Variants in CPOX observed in about 807,000 individuals in gnomAD.
CPOX encodes coproporphyrinogen oxidase.
CPOX carries 24 observed loss-of-function variants against 48.9 expected under a neutral mutation model. That is an observed-to-expected ratio of 0.49 (90% CI 0.36 to 0.69). CPOX has a LOEUF of 0.69. Among genes scored for constraint, CPOX ranks in the 30% least tolerant of loss-of-function variants. The pLI is 0.00. For missense variants in CPOX, 549 were observed against 597.3 expected (o/e 0.92, Z 0.84); for synonymous variants, 249 against 234.6 (o/e 1.06, Z -0.56).
chr3:98,584,340 G>T (rs1396385436), intron 5 of CPOX, among the ~76,000 whole-genome samples: 2 of 151,832 alleles, frequency 1.3e-5, no homozygotes, highest in Non-Finnish European at 2.9e-5. Flanking sequence ...AGTGAAAGGA[G>T]GAAAGAGTGG....
rs554095471 is a variant in CPOX, at chr3:98,586,123, C to G, written c.954-464G>C. Among the ~76,000 whole-genome samples, 3 of 152,074 alleles carry G rather than the reference C, an allele frequency of 2.0e-5. No homozygotes were observed. In the East Asian group the frequency reaches 5.8e-4, roughly 29 times the overall value. Reference sequence around the variant, plus strand: ...TCCTGACCTCGTGATCTGCCTGCCTCGGCCTCCCAAAGTGCTGGGATTACA... The same window carrying G: ...TCCTGACCTCGTGATCTGCCTGCCTGGGCCTCCCAAAGTGCTGGGATTACA... On this transcript the variant is annotated intron_variant, in intron 4 of 6. Coordinates refer to ENST00000647941, the MANE Select transcript of CPOX (RefSeq NM_000097.7).
Position 98,592,985 on chromosome 3 carries a change from C to T in CPOX, c.520G>A (p.Ala174Thr), listed in dbSNP as rs199514514. 175 of 1,613,302 alleles carry T rather than the reference C, an allele frequency of 1.1e-4. No homozygotes were observed. The highest frequency in any genetic ancestry group is 1.4e-4 in the Non-Finnish European group (163 of 1,179,784). The change falls in exon 1 of 7, where the codon GCC becomes ACC. Residue 174 changes from alanine to threonine, a missense_variant. Ala to Thr is a moderately conservative substitution (Grantham distance 58, BLOSUM62 0). Transcript: ENST00000647941. ...CQALAQVDGG[A>T]NFSVDRWERK... Reference sequence around the variant, plus strand: ...TCCCACCGGTCCACAGAAAAGTTGGCGCCCCCGTCTACCTGTGCCAGAGCC... The same window carrying T: ...TCCCACCGGTCCACAGAAAAGTTGGTGCCCCCGTCTACCTGTGCCAGAGCC...
In CPOX at chr3:98,590,697, G is replaced by C; in HGVS notation, c.746C>G (p.Pro249Arg). 6.2e-7 allele frequency: 1 copy of C among 1,614,040 alleles called. No individual in the cohort carries two copies. Among genetic ancestry groups the C allele is most frequent in the Non-Finnish European group, 8.5e-7 (1 of 1,179,974 alleles). The change falls in exon 3 of 7, where the codon CCC becomes CGC. Residue 249 changes from proline (P) to arginine (R), a missense_variant. Physicochemically the swap from Pro to Arg is moderately radical, Grantham distance 103. Coordinates refer to ENST00000647941, the MANE Select transcript of CPOX (RefSeq NM_000097.7). ...CAMGVSSVIH[P>R]KNPHAPTIHF... ...GATAGTAGGAGCATGAGGATTCTTG[G>C]GGTGGATAACAGAGCTCACGCCCAT...
chr3:98,581,628 T>A (rs775061024), intron 5 of CPOX, 117 bp from the exon 6 acceptor site: 12 of 779,178 alleles, frequency 1.5e-5, no homozygotes, highest in Non-Finnish European at 2.7e-5. Context: ...CAGCTGGAAC[T>A]GGCACAGAGG....
In CPOX at chr3:98,579,659, T is replaced by G. The variant is rs1462164656; in HGVS notation, c.*1024A>C. 2.0e-6 allele frequency: 2 copies of G among 984,718 alleles called. No individual in the cohort carries two copies. Among genetic ancestry groups the G allele is most frequent in the Non-Finnish European group, 2.4e-6 (2 of 829,388 alleles). 61.0% of individuals were successfully genotyped at this position (984,718 alleles called of 1,614,324 possible). A position where few individuals can be genotyped will look rare whatever the true frequency, so the allele number is the denominator to read the frequency against. ...ATATATGAACAAAGAAATCATACAT[T>G]AAGAATCCTGTTGTGATTTGCTCTT... is the stretch of plus-strand genomic sequence containing the variant. On this transcript the variant is annotated 3_prime_UTR_variant, in exon 7 of 7. Transcript: ENST00000647941.
At chr3:98,592,235 T>C (rs1053251819) in intron 1 of CPOX, among the ~76,000 whole-genome samples, 2 of 152,134 alleles carry the variant, frequency 1.3e-5, no homozygotes, top group Non-Finnish European at 2.9e-5. Context: ...GAAGCTGCTG[T>C]TGTATTTCCA....
the CPOX span, among the ~76,000 whole-genome samples, chr3:98,571,207 T>C: frequency 6.6e-6 from 1 of 152,228 alleles, no homozygotes; most frequent in Non-Finnish European, 1.5e-5. Flanking sequence ...TCTAAACTTA[T>C]TAGCTTAGCA....
rs922267295 is a variant in CPOX, at chr3:98,593,438, C to G, written c.67G>C (p.Gly23Arg). 1.3e-6 allele frequency: 2 copies of G among 1,486,752 alleles called. No individual in the cohort carries two copies. Among genetic ancestry groups the G allele is most frequent in the African/African-American group, 2.9e-5 (2 of 68,708 alleles). 92.1% of individuals were successfully genotyped at this position (1,486,752 alleles called of 1,614,324 possible). ...CWLVARGGCG[G>R]PRAWSQCGGG... ...CCGCACTGGGACCAGGCGCGGGGCC[C>G]TCCGCAGCCGCCCCGCGCCACGAGC... The change falls in exon 1 of 7, where the codon GGG (glycine) becomes CGG (arginine). Residue 23 changes from glycine to arginine, a missense_variant. Physicochemically the swap from Gly to Arg is moderately radical, Grantham distance 125. Around this residue, in one of 2 missense-constraint regions of CPOX, gnomAD observed 336 missense variants for 318.1 expected, o/e 1.06. Transcript: ENST00000647941.
chr3:98,585,879 CT>C (rs1183334760), intron 4 of CPOX: 4,515 of 384,954 alleles, frequency 0.012, no homozygotes, highest in Middle Eastern at 0.018. Context: ...CTTTTCTTTT[CT>C]TTTTTTTTTT....
the CPOX span, among the ~76,000 whole-genome samples, chr3:98,573,387 CCAA>C: frequency 2.0e-4 from 30 of 152,306 alleles, no homozygotes; most frequent in Admixed American, 2.6e-4. Flanking sequence ...GATAATCTGT[CCAA>C]CAACAGCATA....
downstream of CPOX, among the ~76,000 whole-genome samples, chr3:98,577,734 A>C (rs752567829): frequency 7.9e-5 from 12 of 152,170 alleles, no homozygotes; most frequent in Non-Finnish European, 1.6e-4. Flanking sequence ...TTTCCATGGA[A>C]TTCGTGCTCT....
At position 98,593,529 on chromosome 3, in the gene CPOX, G is replaced by A. The variant is rs760814238; in HGVS notation, c.-25C>T. Reference sequence around the variant, plus strand: ...TGTTCCCGCACTATCACCTGGAGCAGTGCCTGCGTCCCAGAGCCCTGCGTT... The same window carrying A: ...TGTTCCCGCACTATCACCTGGAGCAATGCCTGCGTCCCAGAGCCCTGCGTT... On this transcript the variant is annotated 5_prime_UTR_variant, in exon 1 of 7. Coordinates refer to ENST00000647941, the MANE Select transcript of CPOX (RefSeq NM_000097.7). 15 of 1,516,676 alleles carry A rather than the reference G, an allele frequency of 9.9e-6. No homozygotes were observed. Among genetic ancestry groups the A allele is most frequent in the Non-Finnish European group, 1.3e-5 (15 of 1,138,380 alleles). The allele number at this position is 1,516,676 out of a possible 1,614,324, so 94.0% of individuals were successfully genotyped here.
chr3:98,590,986 G>C, intron 2 of CPOX, 26 bp downstream of exon 2: 1 of 1,613,360 alleles, frequency 6.2e-7, no homozygotes, highest in South Asian at 1.1e-5. Context: ...GGGACTATTA[G>C]AGACTATCAA....
At position 98,592,952 on chromosome 3, in the gene CPOX, C is replaced by T. The variant is rs1482015431; in HGVS notation, c.553G>A (p.Glu185Lys). The change falls in exon 1 of 7, where the codon GAA becomes AAA. Residue 185 changes from glutamate to lysine, a missense_variant. Coordinates refer to ENST00000647941, the MANE Select transcript of CPOX (RefSeq NM_000097.7). ...CGCCAGGGGCCGGCCTCCTTACCTT[C>T]CTTCCTCTCCCACCGGTCCACAGAA... ...NFSVDRWERK[E>K]GGGGISCVLQ... 6.2e-7 allele frequency: 1 copy of T among 1,612,324 alleles called. No homozygotes were observed. The highest frequency in any genetic ancestry group is 1.7e-5 in the Admixed American group (1 of 59,906).
Position 98,579,456 on chromosome 3 carries a change from TTAA to T in CPOX, c.*1224_*1226del. 3 of 763,948 alleles carry T rather than the reference TTAA, an allele frequency of 3.9e-6. No individual in the cohort carries two copies. The highest frequency in any genetic ancestry group is 4.8e-6 in the Non-Finnish European group (3 of 628,668). The allele number at this position is 763,948 out of a possible 1,614,324, so 47.3% of individuals were successfully genotyped here. On this transcript the variant is annotated 3_prime_UTR_variant, in exon 7 of 7. Transcript: ENST00000647941. ...AAATATAAATATTTCTTAGTCTTAT[TTAA>T]TAATAAAATTTATTAGCAGATCTCT...
At chr3:98,588,182 A>T (rs1047156692) in intron 4 of CPOX, among the ~76,000 whole-genome samples, 5 of 152,220 alleles carry the variant, frequency 3.3e-5, no homozygotes, top group Non-Finnish European at 7.3e-5. Flanking sequence ...AATTTGTGCC[A>T]AGATTCCATT....
the CPOX span, among the ~76,000 whole-genome samples, chr3:98,573,161 G>T: frequency 6.6e-6 from 1 of 152,106 alleles, no homozygotes; most frequent in African/African-American, 2.4e-5. Context: ...AGACAAAAAT[G>T]TTCACATTTT....
rs776769044 is a variant in CPOX at position 98,581,514 on chromosome 3, G to A, written c.1173-3C>T. 2 of 1,605,504 alleles carry A rather than the reference G, an allele frequency of 1.2e-6. No homozygotes were observed. Among genetic ancestry groups the A allele is most frequent in the South Asian group, 2.2e-5 (2 of 90,906 alleles). On this transcript the variant is annotated splice_region_variant and splice_polypyrimidine_tract_variant and intron_variant, in intron 5 of 6. Coordinates refer to ENST00000647941, the MANE Select transcript of CPOX (RefSeq NM_000097.7). ...ACAGCAGATTAAATTCTACATACCT[G>A]CCATAAATACATCAAATAACATTAA...
chr3:98,579,351 G>C (rs1707207806), downstream of CPOX: 2 of 336,482 alleles, frequency 5.9e-6, no homozygotes, highest in Non-Finnish European at 8.3e-6. Flanking sequence ...GGAGGAGTTG[G>C]GGCCCCTAGC....
Sources: allele counts gnomAD v4.1 joint callset (sites outside exome capture counted in the v4.1 genomes callset), GRCh38; gene constraint gnomAD v4.1.1; regional missense constraint gnomAD v4.1.1; transcripts MANE v1.5; gene names NCBI Gene and HGNC (gene_info 2026-07-23, HGNC 2026-07-21).